SPAG9: variants seen among roughly 807,000 people sequenced by gnomAD.
SPAG9 encodes C-Jun-amino-terminal kinase-interacting protein 4.
Under a neutral mutation model 166.5 loss-of-function variants are expected in SPAG9, and 35 were observed. The ratio of observed to expected loss-of-function variants is 0.21; its 90% confidence interval spans 0.16 to 0.28. The LOEUF is 0.28. SPAG9 is among the 10% of genes least tolerant of loss of function. The pLI is 1.00. For synonymous variants in SPAG9, 534 were observed against 565.5 expected (o/e 0.94, Z 0.79); for missense variants, 1,235 against 1,603.3 (o/e 0.77, Z 3.92).
Position 50,989,662 on chromosome 17 carries a change from G to T in SPAG9, c.2813+15C>A. Reference sequence around the variant, plus strand: ...ACTTCACCCAGTTGCCTAAGTTGATGACCCATTATTATACCTCGACTGATA... The same window carrying T: ...ACTTCACCCAGTTGCCTAAGTTGATTACCCATTATTATACCTCGACTGATA... On this transcript the variant is annotated intron_variant, in intron 21 of 29. Coordinates refer to ENST00000262013, the MANE Select transcript of SPAG9 (RefSeq NM_001130528.3). 6.2e-7 allele frequency: 1 copy of T among 1,608,978 alleles called. No homozygotes were observed.
At chr17:50,979,380 G>GAAACAAAAAAAAAAAAAAA (rs1974426073) in intron 26 of SPAG9, among the ~76,000 whole-genome samples, 1 of 76,084 alleles carries the variant, frequency 1.3e-5, no homozygotes. Context: ...TTGAAAAAAA[G>GAAACAAAAAAAAAAAAAAA]AAAAAAAAAA....
At position 50,998,511 on chromosome 17, in the gene SPAG9, T is replaced by C; in HGVS notation, c.1771A>G (p.Lys591Glu). ...PTSHVTPSVK[K>E]RSSTLSQLPG... ...AGCTGAGATAAGGTGCTGCTTCTTT[T>C]CTTGACGGACGGAGTAACATGAGAC... The change falls in exon 15 of 30, where the codon AAA becomes GAA. Residue 591 changes from lysine to glutamate, a missense_variant. By Grantham distance (56) the Lys-to-Glu change is moderately conservative. Transcript: ENST00000262013. 6.2e-7 allele frequency: 1 copy of C among 1,614,190 alleles called. No individual in the cohort carries two copies.
chr17:51,069,002 T>C (rs956159355), intron 2 of SPAG9, among the ~76,000 whole-genome samples: 1 of 152,172 alleles, frequency 6.6e-6, no homozygotes, highest in Non-Finnish European at 1.5e-5. Flanking sequence ...CCCACTCATA[T>C]GTAGGCTCTA....
rs2049455954 is a variant in SPAG9 at position 51,120,753 on chromosome 17, T to C, written c.-97A>G. ...ACCCGACTCGGGCTGGGACGGGTAC[T>C]AGGGCTGGAGCCCGGGCCGGGGCTG... On this transcript the variant is annotated 5_prime_UTR_variant, in exon 1 of 30. Coordinates refer to ENST00000262013, the MANE Select transcript of SPAG9 (RefSeq NM_001130528.3). This position sits in a 1 kb window ranked among gnomAD's most constrained non-coding sequence, Gnocchi z 4.7. 18 of 1,113,148 alleles carry C rather than the reference T, an allele frequency of 1.6e-5. No homozygotes were observed. In the East Asian group the frequency reaches 3.8e-4, roughly 24 times the overall value. The allele number at this position is 1,113,148 out of a possible 1,614,324, so 69.0% of individuals were successfully genotyped here.
In SPAG9 at chr17:50,984,075, A is replaced by T. The variant is rs146494517; in HGVS notation, c.3088+848T>A. Among the ~76,000 whole-genome samples, 690 of 152,294 alleles carry T rather than the reference A, an allele frequency of 4.5e-3. 5 individuals are homozygous for T. The highest frequency in any genetic ancestry group is 0.016 in the African/African-American group (671 of 41,570). ...ATACCAATCAAGTGGGTAGAAAATG[A>T]TGTATCATTTTTGGTTGACACAAGT... On this transcript the variant is annotated intron_variant, in intron 24 of 29. Transcript: ENST00000262013.
intron 3 of SPAG9, among the ~76,000 whole-genome samples, chr17:51,047,758 T>C (rs577763907): frequency 6.7e-6 from 1 of 149,086 alleles, no homozygotes; most frequent in Admixed American, 6.7e-5. Flanking sequence ...TAAAATAATA[T>C]TGATATAAAG....
At chr17:51,029,390 A>C (rs189016289) in intron 6 of SPAG9, among the ~76,000 whole-genome samples, 1 of 152,216 alleles carries the variant, frequency 6.6e-6, no homozygotes. Flanking sequence ...ACCACTCTGG[A>C]AAACAGTATG....
chr17:51,007,146 C>CA, intron 10 of SPAG9, 123 bp downstream of exon 10: 1 of 543,036 alleles, frequency 1.8e-6, no homozygotes. Context: ...TGTGCACACT[C>CA]AGAGTTGGGG....
intron 6 of SPAG9, chr17:51,023,224 T>C (rs1004602381): frequency 6.8e-6 from 1 of 148,002 alleles, no homozygotes; most frequent in African/African-American, 2.4e-5. Context: ...CATAATTATA[T>C]ATTTTTATAA....
chr17:50,991,416 T>C (rs1975537879), intron 19 of SPAG9, among the ~76,000 whole-genome samples: 1 of 151,998 alleles, frequency 6.6e-6, no homozygotes, highest in South Asian at 2.1e-4. Flanking sequence ...GCATTTATAA[T>C]ATAAAAATAT....
chr17:51,009,956 T>A (rs931022634), intron 9 of SPAG9, among the ~76,000 whole-genome samples: 6 of 152,130 alleles, frequency 3.9e-5, no homozygotes, highest in Non-Finnish European at 8.8e-5. Flanking sequence ...TCAATAACTC[T>A]TTATAAGAAA....
chr17:51,115,778 C>T (rs1312560038), intron 1 of SPAG9, among the ~76,000 whole-genome samples: 3 of 151,400 alleles, frequency 2.0e-5, no homozygotes, highest in Admixed American at 1.3e-4. Flanking sequence ...TGCAGTGAGC[C>T]GAGATGGCAC....
intron 3 of SPAG9, among the ~76,000 whole-genome samples, chr17:51,052,636 CA>C (rs879699119): frequency 9.6e-4 from 120 of 125,538 alleles, no homozygotes; most frequent in Middle Eastern, 4.1e-3. Context: ...TAGAAATAGA[CA>C]AAAAAAAAAA....
intron 1 of SPAG9, among the ~76,000 whole-genome samples, chr17:51,108,230 T>C (rs1224934367): frequency 6.6e-6 from 1 of 151,620 alleles, no homozygotes; most frequent in African/African-American, 2.4e-5. Flanking sequence ...CTACTAAAAA[T>C]ACAAAAATTA....
At chr17:51,107,373 C>T (rs993793157) in intron 1 of SPAG9, among the ~76,000 whole-genome samples, 1 of 151,824 alleles carries the variant, frequency 6.6e-6, no homozygotes, top group African/African-American at 2.4e-5. Context: ...CATAGTCTGA[C>T]CCCCATCCCT....
chr17:50,998,741 C>CA (rs1567980074), intron 14 of SPAG9, 124 bp from the exon 15 acceptor site: 9 of 885,952 alleles, frequency 1.0e-5, no homozygotes, highest in Middle Eastern at 3.2e-4. Flanking sequence ...TAGAAATTGG[C>CA]AAAAACAGTT....
chr17:51,004,401 C>T (rs1350069645), intron 12 of SPAG9, among the ~76,000 whole-genome samples: 4 of 152,152 alleles, frequency 2.6e-5, no homozygotes, highest in African/African-American at 9.7e-5. Context: ...AAAACAACCA[C>T]ATATCTTTGG....
rs748410875 is a variant in SPAG9 at position 51,007,287 on chromosome 17, G to C, written c.1253C>G (p.Thr418Arg). Reference sequence around the variant, plus strand: ...TACTTACTTGGTTTCCAACAGTTGTGTATTTTCTAATATAAGATTCTCAAC... The same window carrying C: ...TACTTACTTGGTTTCCAACAGTTGTCTATTTTCTAATATAAGATTCTCAAC... ...REVENLILEN[T>R]QLLETKNALN... The change falls in exon 10 of 30, where the codon ACA (threonine) becomes AGA (arginine). Residue 418 changes from threonine (T) to arginine (R), a missense_variant. Around this residue, in one of 6 missense-constraint regions of SPAG9, gnomAD observed 125 missense variants for 194.0 expected, o/e 0.64. Coordinates refer to ENST00000262013, the MANE Select transcript of SPAG9 (RefSeq NM_001130528.3). 5.7e-6 allele frequency: 9 copies of C among 1,577,330 alleles called. No individual in the cohort carries two copies. The highest frequency in any genetic ancestry group is 7.8e-6 in the Non-Finnish European group (9 of 1,157,092).
At chr17:51,021,432 G>T in intron 6 of SPAG9, 67 bp from the exon 7 acceptor site, 1 of 1,263,332 alleles carries the variant, frequency 7.9e-7, no homozygotes, top group Non-Finnish European at 1.1e-6. Flanking sequence ...CATTAAATGG[G>T]TTGAGAAATA....
Sources: allele counts gnomAD v4.1 joint callset (sites outside exome capture counted in the v4.1 genomes callset), GRCh38; gene constraint gnomAD v4.1.1; regional missense constraint gnomAD v4.1.1; non-coding constraint Gnocchi (gnomAD v3.1); transcripts MANE v1.5; gene names NCBI Gene and HGNC (gene_info 2026-07-23, HGNC 2026-07-21).